Variants in RBFOX1 observed in about 807,000 individuals in gnomAD.
RBFOX1 encodes the protein RNA binding protein fox-1 homolog 1.
In RBFOX1, 8 loss-of-function variants were observed where a neutral mutation model predicts 57.7. The observed-to-expected ratio is 0.14, with a 90% CI of 0.08 to 0.25. The LOEUF is 0.25. Ranked by LOEUF, RBFOX1 falls within the 10% of genes least tolerant of loss-of-function variation. The pLI, the probability that RBFOX1 is intolerant of heterozygous loss-of-function variation, is 1.00. For missense variants in RBFOX1, 611 were observed against 548.5 expected (o/e 1.11, Z -1.14); for synonymous variants, 326 against 222.4 (o/e 1.47, Z -4.15).
intron 3 of RBFOX1, among the ~76,000 whole-genome samples, chr16:6,662,015 G>A (rs1262494857): frequency 6.6e-6 from 1 of 152,126 alleles, no homozygotes; most frequent in Non-Finnish European, 1.5e-5. Flanking sequence ...ATTAGGTGAA[G>A]TGAAGTAAGC....
At chr16:6,138,919 T>C (rs894552105) in intron 1 of RBFOX1, among the ~76,000 whole-genome samples, 12 of 152,076 alleles carry the variant, frequency 7.9e-5, no homozygotes, top group Admixed American at 3.9e-4. Flanking sequence ...CTATATTTTA[T>C]TGGTTAGAAG....
At chr16:6,879,314 C>G (rs1340673336) in intron 3 of RBFOX1, among the ~76,000 whole-genome samples, 1 of 152,166 alleles carries the variant, frequency 6.6e-6, no homozygotes, top group Admixed American at 6.6e-5. Flanking sequence ...CATAAATTTT[C>G]TTTGCTATAA....
chr16:7,386,513 A>T (rs1244018083), intron 4 of RBFOX1, among the ~76,000 whole-genome samples: 1 of 151,806 alleles, frequency 6.6e-6, no homozygotes, highest in East Asian at 1.9e-4. Flanking sequence ...GATGAGAATG[A>T]TGGTTTCCAC....
At chr16:7,189,230 C>A (rs1413671310) in intron 4 of RBFOX1, among the ~76,000 whole-genome samples, 7 of 151,802 alleles carry the variant, frequency 4.6e-5, no homozygotes, top group Non-Finnish European at 1.5e-5. Context: ...TCGAGACCAT[C>A]CTGGCTAACA....
At chr16:6,239,607 C>T (rs1021939772) in intron 1 of RBFOX1, among the ~76,000 whole-genome samples, 1 of 147,016 alleles carries the variant, frequency 6.8e-6, no homozygotes, top group African/African-American at 2.5e-5. Flanking sequence ...AAGCAGTTCT[C>T]CTGCCTCAGC....
At chr16:5,736,656 G>C (rs1323352872) in intron 3 of RBFOX1, among the ~76,000 whole-genome samples, 3 of 151,954 alleles carry the variant, frequency 2.0e-5, no homozygotes, top group African/African-American at 7.3e-5. Context: ...CTGTCACCTG[G>C]CATTTTCCTG....
At chr16:6,886,789 A>C (rs2064148952) in intron 3 of RBFOX1, among the ~76,000 whole-genome samples, 1 of 151,878 alleles carries the variant, frequency 6.6e-6, no homozygotes, top group African/African-American at 2.4e-5. Flanking sequence ...AAAACAAAAA[A>C]AAAACCAGAA....
chr16:6,527,047 C>G (rs565657333), intron 2 of RBFOX1, among the ~76,000 whole-genome samples: 92 of 152,044 alleles, frequency 6.1e-4, no homozygotes, highest in African/African-American at 2.0e-3. Flanking sequence ...AGCCGCCTCC[C>G]AAAAGAATTT....
intron 3 of RBFOX1, among the ~76,000 whole-genome samples, chr16:5,606,469 C>G (rs148702546): frequency 1.3e-5 from 2 of 152,196 alleles, no homozygotes; most frequent in African/African-American, 2.4e-5. Flanking sequence ...CCCTTCCTTC[C>G]TCACCTTCTC....
intron 2 of RBFOX1, among the ~76,000 whole-genome samples, chr16:5,545,103 A>G (rs1014630609): frequency 2.6e-5 from 4 of 151,296 alleles, no homozygotes; most frequent in Admixed American, 6.6e-5. Flanking sequence ...CAGCCTTCCG[A>G]GTAGCTGGGA....
At chr16:5,812,259 A>G (rs953605017) in intron 3 of RBFOX1, among the ~76,000 whole-genome samples, 3 of 152,188 alleles carry the variant, frequency 2.0e-5, no homozygotes, top group Non-Finnish European at 4.4e-5. Context: ...ACAGTTCTGT[A>G]TACGCCTTTG....
chr16:6,003,463 G>T (rs377523685), intron 4 of RBFOX1, among the ~76,000 whole-genome samples: 1 of 151,672 alleles, frequency 6.6e-6, no homozygotes, highest in African/African-American at 2.4e-5. Flanking sequence ...TCTCGCCACC[G>T]CCCACCACCA....
At position 6,327,330 on chromosome 16, in the gene RBFOX1, T is replaced by G. The variant is rs537754716; in HGVS notation, c.-64+10273T>G. Among the ~76,000 whole-genome samples the G allele has an allele frequency of 4.6e-5, 7 of 152,292 alleles. No homozygotes were observed. The South Asian group carries it at 1.0e-3, about 23-fold the overall frequency. ...CTTTATCTTAGAATATCTAGTAGGT[T>G]TCTGCTTTTCTCACTAATACCAGAA... On this transcript the variant is annotated intron_variant, in intron 2 of 15. Transcript: ENST00000550418.
chr16:5,856,259 A>ATT, intron 3 of RBFOX1, among the ~76,000 whole-genome samples: 1 of 35,164 alleles, frequency 2.8e-5, no homozygotes, highest in African/African-American at 1.1e-4. Flanking sequence ...ATGTATATAT[A>ATT]TGTATATATA....
chr16:5,846,229 G>A (rs966054982), intron 3 of RBFOX1, among the ~76,000 whole-genome samples: 48 of 151,876 alleles, frequency 3.2e-4, no homozygotes, highest in African/African-American at 1.1e-3. Context: ...AAAATGCACA[G>A]GAAGCTGGTG....
chr16:6,741,471 C>T (rs1451264509), intron 3 of RBFOX1, among the ~76,000 whole-genome samples: 1 of 152,012 alleles, frequency 6.6e-6, no homozygotes. Context: ...CGAGACCAGC[C>T]TGGCTAACAT....
intron 2 of RBFOX1, among the ~76,000 whole-genome samples, chr16:6,363,078 C>G (rs1265456323): frequency 6.6e-6 from 1 of 152,202 alleles, no homozygotes. Context: ...ACTTGAAATT[C>G]TACCAGAAGA....
intron 14 of RBFOX1, among the ~76,000 whole-genome samples, chr16:7,689,854 G>C (rs1374527104): frequency 6.6e-6 from 1 of 152,012 alleles, no homozygotes; most frequent in Admixed American, 6.6e-5. Context: ...TTCAGGATGA[G>C]GTTTAAAGTC....
At chr16:6,270,912 T>A (rs1035422192) in intron 1 of RBFOX1, among the ~76,000 whole-genome samples, 2 of 152,138 alleles carry the variant, frequency 1.3e-5, no homozygotes, top group East Asian at 3.8e-4. Flanking sequence ...CTGCAAACAT[T>A]TGGCCACTAG....
Sources: allele counts gnomAD v4.1 joint callset (sites outside exome capture counted in the v4.1 genomes callset), GRCh38; gene constraint gnomAD v4.1.1; transcripts MANE v1.5; gene names NCBI Gene and HGNC (gene_info 2026-07-23, HGNC 2026-07-21).